The following BRAT1 variants were observed in gnomAD, a reference collection of about 807,000 sequenced individuals.
BRAT1 encodes the protein BRCA1 associated ATM activator 1, also known as integrator complex assembly factor BRAT1.
Under a neutral mutation model 70.6 loss-of-function variants are expected in BRAT1, and 74 were observed. The ratio of observed to expected loss-of-function variants is 1.05; its 90% CI spans 0.87 to 1.27. BRAT1 has a LOEUF of 1.27. Among genes scored for constraint, BRAT1 ranks in the 50% most tolerant of loss-of-function variants. The pLI, the probability that BRAT1 is intolerant of heterozygous loss-of-function variation, is 0.00. For synonymous variants in BRAT1, 615 were observed against 517.1 expected (o/e 1.19, Z -2.57); for missense variants, 1,203 against 1,098.2 (o/e 1.10, Z -1.35).
Position 2,537,832 on chromosome 7 carries a change from TAAA to T in BRAT1, c.*234_*236del. On this transcript the variant is annotated 3_prime_UTR_variant, in exon 14 of 14. Coordinates refer to ENST00000340611, the MANE Select transcript of BRAT1 (RefSeq NM_152743.4). The stretch of plus-strand genomic sequence containing the variant: ...GACCCTTGTCTCAGATCATTATTAT[TAAA>T]TTAACTCAAAAAGGGTTAAAGAAAG... The T allele has an allele frequency of 1.8e-6, 1 of 569,592 alleles. No individual in the cohort carries two copies. The highest frequency in any genetic ancestry group is 2.7e-6 in the Non-Finnish European group (1 of 367,230). 35.3% of individuals were successfully genotyped at this position (569,592 alleles called of 1,614,324 possible).
At chr7:2,550,123 A>G (rs1779890595) in intron 2 of BRAT1, among the ~76,000 whole-genome samples, 1 of 151,482 alleles carries the variant, frequency 6.6e-6, no homozygotes. Flanking sequence ...TGATCACACC[A>G]CTGCACTCTA....
intron 1 of BRAT1, 63 bp from the exon 2 acceptor site, chr7:2,554,510 C>A: frequency 6.6e-7 from 1 of 1,518,118 alleles, no homozygotes; most frequent in Non-Finnish European, 8.8e-7. Context: ...GCTCTAGTCA[C>A]AGCAGCCCAC....
chr7:2,555,101 G>A (rs1443040339), intron 1 of BRAT1, among the ~76,000 whole-genome samples: 6 of 146,884 alleles, frequency 4.1e-5, no homozygotes, highest in Admixed American at 6.8e-5. Context: ...CGGCGGGGGG[G>A]AGAGGGGGGC....
rs762990803 is a variant in BRAT1 at position 2,538,777 on chromosome 7, G to A, written c.1771-13C>T. The A allele has an allele frequency of 1.3e-6, 2 of 1,598,002 alleles. No homozygotes were observed. Among genetic ancestry groups the A allele is most frequent in the Non-Finnish European group, 1.7e-6 (2 of 1,179,732 alleles). The stretch of plus-strand genomic sequence containing the variant: ...CCAGGAACAGGCTCTGGGGGACAGG[G>A]AGCAAGTGCGGATGGTTGGTGGGGT... On this transcript the variant is annotated splice_polypyrimidine_tract_variant and intron_variant, in intron 13 of 13. Coordinates refer to ENST00000340611, the MANE Select transcript of BRAT1 (RefSeq NM_152743.4).
rs776341501 is a variant in BRAT1, at chr7:2,539,264, C to T, written c.1685G>A (p.Arg562Gln). The T allele has an allele frequency of 1.1e-5, 18 of 1,611,710 alleles. No homozygotes were observed. Among genetic ancestry groups the T allele is most frequent in the African/African-American group, 4.0e-5 (3 of 74,898 alleles). Reference sequence around the variant, plus strand: ...CCCCATGGCGGTCACTGCACTCGCTCGGACATAACTCTCAGGGTCCTGGAG... The same window carrying T: ...CCCCATGGCGGTCACTGCACTCGCTTGGACATAACTCTCAGGGTCCTGGAG... ...QLLQDPESYV[R>Q]ASAVTAMGQL... The change falls in exon 13 of 14, where the codon CGA becomes CAA. Residue 562 changes from arginine (R) to glutamine (Q), a missense_variant. Transcript: ENST00000340611.
At chr7:2,539,967 G>C (rs1464783801) in intron 10 of BRAT1, 79 bp from the exon 11 acceptor site, 58 of 1,033,550 alleles carry the variant, frequency 5.6e-5, no homozygotes, top group Non-Finnish European at 7.3e-5. Flanking sequence ...GCCTTCACCT[G>C]TGCTGCCCGT....
At position 2,541,036 on chromosome 7, in the gene BRAT1, C is replaced by T. The variant is rs760345285; in HGVS notation, c.1338G>A (p.Val446=). 2.5e-6 allele frequency: 4 copies of T among 1,571,430 alleles called. No individual in the cohort carries two copies. In the South Asian group the frequency reaches 3.6e-5, roughly 14 times the overall value. The part of the protein sequence containing the change: ...LSQGTGPQEL[V]TQALAVLLEC... ...CCAGGAGGACAGCAAGCGCCTGCGT[C>T]ACCAGCTCCTGGGGGCCTGAGACAG... Residue 446 remains valine (V), a synonymous_variant, in exon 10 of 14, where the codon GTG becomes GTA. Coordinates refer to ENST00000340611, the MANE Select transcript of BRAT1 (RefSeq NM_152743.4).
intron 3 of BRAT1, among the ~76,000 whole-genome samples, 181 bp from the exon 4 acceptor site, chr7:2,545,237 A>C (rs13242272): frequency 1.9e-3 from 290 of 151,674 alleles, no homozygotes; most frequent in Non-Finnish European, 3.7e-3. Context: ...GGTGGCATGC[A>C]CCTGTAATCC....
rs371847594 is a variant in BRAT1 at position 2,538,540 on chromosome 7, A to C, written c.1995T>G (p.Thr665=). Residue 665 remains threonine (T), a synonymous_variant, in exon 14 of 14, where the codon ACT becomes ACG. Transcript: ENST00000340611. ...GGCAGTGGGTACGCGGCGGCCCCAAAGTCTGGCCCAGGAACACGAGGGCCA... is the reference window on the plus strand; with the variant it reads ...GGCAGTGGGTACGCGGCGGCCCCAACGTCTGGCCCAGGAACACGAGGGCCA... ...LELALVFLGQ[T]LGPPRTHCPY... is the part of the protein sequence containing the mutation. 2.5e-6 allele frequency: 4 copies of C among 1,603,404 alleles called. No individual in the cohort carries two copies. The African/African-American group carries it at 5.3e-5, about 21-fold the overall frequency.
rs1779340034 is a variant in BRAT1 at position 2,543,449 on chromosome 7, G to A, written c.804-126C>T. On this transcript the variant is annotated intron_variant, in intron 5 of 13. Coordinates refer to ENST00000340611, the MANE Select transcript of BRAT1 (RefSeq NM_152743.4). This position sits in a 1 kb window ranked among gnomAD's most constrained non-coding sequence, Gnocchi z 5.5. Reference sequence around the variant, plus strand: ...CCCAAGACAGGCCTTTCCCCATGAGGGTTCCAGGGTCACCCCGGTGCCGCT... The same window carrying A: ...CCCAAGACAGGCCTTTCCCCATGAGAGTTCCAGGGTCACCCCGGTGCCGCT... 2.7e-6 allele frequency: 4 copies of A among 1,481,490 alleles called. No individual in the cohort carries two copies. The highest frequency in any genetic ancestry group is 3.6e-6 in the Non-Finnish European group (4 of 1,119,528). 91.8% of individuals were successfully genotyped at this position (1,481,490 alleles called of 1,614,324 possible). A position where few individuals can be genotyped will look rare whatever the true frequency, so the allele number is the denominator to read the frequency against.
chr7:2,543,094 A>ATGAGGG lies in BRAT1; in HGVS notation c.923+109_923+110insCCCTCA. 7.2e-7 allele frequency: 1 copy of ATGAGGG among 1,391,976 alleles called. No homozygotes were observed. Among genetic ancestry groups the ATGAGGG allele is most frequent in the Non-Finnish European group, 9.6e-7 (1 of 1,045,696 alleles). 86.2% of individuals were successfully genotyped at this position (1,391,976 alleles called of 1,614,324 possible). A position where few individuals can be genotyped will look rare whatever the true frequency, so the allele number is the denominator to read the frequency against. ...CAGTCACACCCCGCACGGCCGCCTG[A>ATGAGGG]CTGTCCCTGGTGTCCGGAACTCCCC... On this transcript the variant is annotated intron_variant, in intron 6 of 13. Transcript: ENST00000340611. The surrounding 1 kb of genome is among the most constrained non-coding windows in gnomAD (Gnocchi z 5.5).
At chr7:2,550,816 T>C (rs1257585362) in intron 2 of BRAT1, among the ~76,000 whole-genome samples, 2 of 152,194 alleles carry the variant, frequency 1.3e-5, no homozygotes, top group Non-Finnish European at 2.9e-5. Flanking sequence ...CCTGTAAATT[T>C]ACTAAGAACT....
At chr7:2,539,401 T>G (rs557429459) in intron 12 of BRAT1, 50 bp from the exon 13 acceptor site, 1 of 1,561,244 alleles carries the variant, frequency 6.4e-7, no homozygotes, top group East Asian at 2.3e-5. Context: ...CCGAGCCTTG[T>G]CGCCTCGGCC....
chr7:2,546,077 G>T (rs1279743533), intron 3 of BRAT1, among the ~76,000 whole-genome samples: 1 of 152,248 alleles, frequency 6.6e-6, no homozygotes, highest in Non-Finnish European at 1.5e-5. Context: ...AGACTCAGCG[G>T]TGCCTGTCTG....
chr7:2,553,649 G>GTT (rs533849021), intron 2 of BRAT1, among the ~76,000 whole-genome samples: 1 of 142,622 alleles, frequency 7.0e-6, no homozygotes. Flanking sequence ...GTATTACTTT[G>GTT]TTTTTTTTTT....
Position 2,538,446 on chromosome 7 carries a change from G to A in BRAT1, c.2089C>T (p.His697Tyr), listed in dbSNP as rs561549620. Residue 697 changes from histidine (H) to tyrosine (Y), a missense_variant, in exon 14 of 14, where the codon CAC becomes TAC. Coordinates refer to ENST00000340611, the MANE Select transcript of BRAT1 (RefSeq NM_152743.4). ...PLTEALRALC[H>Y]VGLFDFAFCA... ...AAGGCGAAGTCAAAGAGCCCCACGT[G>A]GCAGAGAGCCCTCAGTGCCTCGGTG... 116 of 1,613,184 alleles carry A rather than the reference G, an allele frequency of 7.2e-5. No homozygotes were observed. The Middle Eastern group carries it at 8.2e-4, about 11-fold the overall frequency.
At chr7:2,540,144 G>A (rs1779035397) in intron 10 of BRAT1, 3 of 447,008 alleles carry the variant, frequency 6.7e-6, no homozygotes, top group South Asian at 8.5e-5. Context: ...TCAGCCTCAT[G>A]AGTAGCTGGG....
intron 2 of BRAT1, among the ~76,000 whole-genome samples, chr7:2,552,274 T>C (rs1479778879): frequency 6.7e-6 from 1 of 150,184 alleles, no homozygotes; most frequent in Non-Finnish European, 1.5e-5. Flanking sequence ...TGGACCACCA[T>C]GTCAGGCTAA....
chr7:2,539,789 T>C lies in BRAT1; in HGVS notation c.1495A>G (p.Arg499Gly). 1 of 1,611,062 alleles carries C rather than the reference T, an allele frequency of 6.2e-7. No individual in the cohort carries two copies. The highest frequency in any genetic ancestry group is 8.5e-7 in the Non-Finnish European group (1 of 1,178,824). ...CCCCTGCAAGGGGCTGCGTTACCTC[T>C]GAGGAACTGCGGGATGAGGGGGCCG... Reference protein sequence around the residue: ...DLGPLIPQFLRELFPVLQKRL... With the variant: ...DLGPLIPQFLGELFPVLQKRL... Residue 499 changes from arginine (R) to glycine (G), a missense_variant, in exon 11 of 14, where the codon AGA becomes GGA. Physicochemically the swap from Arg to Gly is moderately radical, Grantham distance 125. Transcript: ENST00000340611.
Sources: gnomAD v4.1 joint callset for allele counts (sites outside exome capture counted in the v4.1 genomes callset) on GRCh38, gnomAD v4.1.1 for gene constraint, Gnocchi (gnomAD v3.1) non-coding constraint, MANE v1.5 for transcripts, NCBI Gene and HGNC (gene_info 2026-07-23, HGNC 2026-07-21) for gene names.